Variants in MROH2B observed in about 807,000 individuals in gnomAD.
MROH2B encodes maestro heat like repeat family member 2B, also known as maestro heat-like repeat-containing protein family member 2B.
Under a neutral mutation model 208.6 loss-of-function variants are expected in MROH2B, and 177 were observed. The observed-to-expected ratio is 0.85, with a 90% CI of 0.75 to 0.96. The LOEUF (loss-of-function observed/expected upper bound fraction) is 0.96. Ranked by LOEUF, MROH2B falls within the 40% of genes least tolerant of loss-of-function variation. MROH2B has a pLI of 0.00. For missense variants in MROH2B, 2,002 were observed against 1,878.7 expected (o/e 1.07, Z -1.21); for synonymous variants, 728 against 659.0 (o/e 1.10, Z -1.60).
rs149222903 is a variant in MROH2B at position 41,034,962 on chromosome 5, G to A, written c.2215-1098C>T. Among the ~76,000 whole-genome samples the A allele has an allele frequency of 1.5e-3, 222 of 152,076 alleles. 6 individuals are homozygous for A. In the East Asian group the frequency reaches 0.038, roughly 26 times the overall value. On this transcript the variant is annotated intron_variant, in intron 21 of 41. Transcript: ENST00000399564. Reference sequence around the variant, plus strand: ...GAAATCAGAGATGACACAAATAAATGGAAAAACATTCCATGCTCACAGATA... The same window carrying A: ...GAAATCAGAGATGACACAAATAAATAGAAAAACATTCCATGCTCACAGATA...
chr5:41,012,999 A>G (rs1741822704), intron 29 of MROH2B, among the ~76,000 whole-genome samples: 1 of 152,254 alleles, frequency 6.6e-6, no homozygotes, highest in Non-Finnish European at 1.5e-5. Context: ...TTTTCTCTCC[A>G]AGCCTAAAGT....
intron 29 of MROH2B, among the ~76,000 whole-genome samples, chr5:41,013,374 T>C (rs1741835094): frequency 1.3e-5 from 2 of 152,278 alleles, no homozygotes; most frequent in South Asian, 2.1e-4. Context: ...AATTTGAGTG[T>C]GTATGTCTGT....
At chr5:41,062,278 G>A (rs746347938) in intron 5 of MROH2B, among the ~76,000 whole-genome samples, 52 of 152,206 alleles carry the variant, frequency 3.4e-4, no homozygotes, top group Non-Finnish European at 5.0e-4. Context: ...AAAAATGGGC[G>A]ATAACTCCAC....
chr5:41,067,178 G>A lies in MROH2B; in HGVS notation c.131C>T (p.Thr44Ile), dbSNP rs746672119. Reference sequence around the variant, plus strand: ...GACAATTGCATCATCCAAGATGTCAGTATTCTGAATAACAGAAGTGAGATG... The same window carrying A: ...GACAATTGCATCATCCAAGATGTCAATATTCTGAATAACAGAAGTGAGATG... Reference protein sequence around the residue: ...YSHLTSVIQNTDILDDAIVQR... With the variant: ...YSHLTSVIQNIDILDDAIVQR... The change falls in exon 3 of 42, where the codon ACT becomes ATT. Residue 44 changes from threonine to isoleucine, a missense_variant. By Grantham distance (89) the Thr-to-Ile change is moderately conservative. Transcript: ENST00000399564. 10 of 1,554,874 alleles carry A rather than the reference G, an allele frequency of 6.4e-6. No homozygotes were observed. Among genetic ancestry groups the A allele is most frequent in the South Asian group, 2.4e-5 (2 of 84,398 alleles).
intron 24 of MROH2B, among the ~76,000 whole-genome samples, chr5:41,030,916 A>T (rs325825): frequency 0.16 from 24,799 of 152,104 alleles, 2,165 homozygotes; most frequent in East Asian, 0.3. Context: ...ACAATTAAAC[A>T]TTAACAAAAA....
chr5:41,049,757 T>A (rs963875316), intron 13 of MROH2B, among the ~76,000 whole-genome samples: 1 of 152,154 alleles, frequency 6.6e-6, no homozygotes, highest in African/African-American at 2.4e-5. Context: ...CAAGTGCCAG[T>A]ATTCCTCTTG....
At chr5:41,048,903 G>A (rs1204915371) in intron 15 of MROH2B, among the ~76,000 whole-genome samples, 198 bp downstream of exon 15, 1 of 152,160 alleles carries the variant, frequency 6.6e-6, no homozygotes, top group Non-Finnish European at 1.5e-5. Flanking sequence ...AGTTCAACAA[G>A]TATTTCAGAG....
Position 41,034,015 on chromosome 5 carries a change from G to A in MROH2B, c.2215-151C>T, listed in dbSNP as rs934866856. On this transcript the variant is annotated intron_variant, in intron 21 of 41. Coordinates refer to ENST00000399564, the MANE Select transcript of MROH2B (RefSeq NM_173489.5). ...AGGGGGGTCTTGCCAAGGGGAGGGG[G>A]GCAATTCACTTCTTCCATTTTTAAA... The A allele has an allele frequency of 6.3e-6, 6 of 957,552 alleles. No individual in the cohort carries two copies. In the African/African-American group the frequency reaches 1.1e-4, roughly 17 times the overall value. The allele number at this position is 957,552 out of a possible 1,614,324, so 59.3% of individuals were successfully genotyped here.
chr5:41,048,615 G>C (rs1743195155), intron 15 of MROH2B, 150 bp from the exon 16 acceptor site: 1 of 981,702 alleles, frequency 1.0e-6, no homozygotes, highest in Non-Finnish European at 1.4e-6. Context: ...ATTTATTCTA[G>C]AATGAAGCTA....
chr5:41,022,768 A>C (rs1480529931), intron 24 of MROH2B, among the ~76,000 whole-genome samples: 2 of 152,196 alleles, frequency 1.3e-5, no homozygotes, highest in African/African-American at 4.8e-5. Flanking sequence ...CTGATGCCCT[A>C]GTAGCCTAAC....
chr5:41,057,484 T>A (rs1302610293), intron 7 of MROH2B, 124 bp from the exon 8 acceptor site: 2 of 701,684 alleles, frequency 2.9e-6, no homozygotes, highest in African/African-American at 3.6e-5. Context: ...AGTTACAAGT[T>A]TTCTTGAATG....
chr5:41,070,942 C>T lies in MROH2B; in HGVS notation c.-90G>A. The T allele has an allele frequency of 6.7e-6, 9 of 1,337,808 alleles. No homozygotes were observed. The highest frequency in any genetic ancestry group is 9.5e-6 in the Non-Finnish European group (9 of 950,376). 82.9% of individuals were successfully genotyped at this position (1,337,808 alleles called of 1,614,324 possible). Reference sequence around the variant, plus strand: ...ATCAAAGAGGCAGGTTGGCAAGTTTCTCATATAAGGTTCACATAAGCCTCT... The same window carrying T: ...ATCAAAGAGGCAGGTTGGCAAGTTTTTCATATAAGGTTCACATAAGCCTCT... On this transcript the variant is annotated 5_prime_UTR_variant, in exon 1 of 42. Coordinates refer to ENST00000399564, the MANE Select transcript of MROH2B (RefSeq NM_173489.5).
intron 30 of MROH2B, among the ~76,000 whole-genome samples, 159 bp from the exon 31 acceptor site, chr5:41,010,238 A>T (rs1335585240): frequency 6.6e-6 from 1 of 152,192 alleles, no homozygotes; most frequent in African/African-American, 2.4e-5. Flanking sequence ...ACTCAGGAGG[A>T]TTGTTCATGA....
intron 36 of MROH2B, 49 bp from the exon 37 acceptor site, chr5:41,004,577 C>T: frequency 6.4e-7 from 1 of 1,571,850 alleles, no homozygotes; most frequent in Middle Eastern, 1.9e-4. Context: ...CTATGCGTAT[C>T]TGGAAGAGGG....
chr5:41,019,141 G>T (rs900419493), intron 24 of MROH2B, 123 bp from the exon 25 acceptor site: 31 of 1,210,622 alleles, frequency 2.6e-5, no homozygotes, highest in Non-Finnish European at 3.5e-5. Context: ...TTTCTGACAC[G>T]TTGGGATGTT....
At chr5:41,041,795 T>G (rs1258122719) in intron 19 of MROH2B, among the ~76,000 whole-genome samples, 1 of 152,206 alleles carries the variant, frequency 6.6e-6, no homozygotes, top group Non-Finnish European at 1.5e-5. Flanking sequence ...AATTTCAGCT[T>G]GTAAATTCAA....
chr5:41,012,670 C>G lies in MROH2B; in HGVS notation c.3048G>C (p.Leu1016=), dbSNP rs1199304516. ...LMFLEEMLDG[L]ESLNPTCTKA... ...TTGTACAAGTGGGGTTGAGGCTCTC[C>G]AGACCGTCCAGCATTTCCTCTAGGA... Residue 1016 remains leucine, a synonymous_variant, in exon 30 of 42, where the codon CTG becomes CTC. Coordinates refer to ENST00000399564, the MANE Select transcript of MROH2B (RefSeq NM_173489.5). 2.5e-6 allele frequency: 4 copies of G among 1,613,792 alleles called. No individual in the cohort carries two copies. Among genetic ancestry groups the G allele is most frequent in the South Asian group, 1.1e-5 (1 of 91,078 alleles).
At chr5:41,016,066 G>A (rs1741938815) in intron 28 of MROH2B, among the ~76,000 whole-genome samples, 1 of 151,986 alleles carries the variant, frequency 6.6e-6, no homozygotes, top group Non-Finnish European at 1.5e-5. Flanking sequence ...ATGGAAGGCA[G>A]CCTAGCCCAG....
intron 21 of MROH2B, among the ~76,000 whole-genome samples, chr5:41,038,084 G>A (rs1742820518): frequency 6.6e-6 from 1 of 152,122 alleles, no homozygotes; most frequent in Non-Finnish European, 1.5e-5. Context: ...TGTGGAGGGG[G>A]AAACAGTGCA....
Sources: gnomAD v4.1 joint callset for allele counts (sites outside exome capture counted in the v4.1 genomes callset) on GRCh38, gnomAD v4.1.1 for gene constraint, MANE v1.5 for transcripts, NCBI Gene and HGNC (gene_info 2026-07-23, HGNC 2026-07-21) for gene names.